The following CUL3 variants were observed in gnomAD, a reference collection of about 807,000 sequenced individuals.
CUL3 encodes the protein cullin-3.
In CUL3, 19 loss-of-function variants were observed where a neutral mutation model predicts 89.1. That is an observed-to-expected ratio of 0.21 (90% confidence interval 0.15 to 0.31). The LOEUF (loss-of-function observed/expected upper bound fraction) is 0.31, where lower values mean the gene tolerates loss of function less well. Among genes scored for constraint, CUL3 ranks in the 10% least tolerant of loss-of-function variants. The pLI is 1.00. For missense variants in CUL3, 469 were observed against 942.3 expected (o/e 0.50, Z 6.58); for synonymous variants, 351 against 308.4 (o/e 1.14, Z -1.45).
intron 1 of CUL3, chr2:224,569,806 CT>C: frequency 9.0e-7 from 1 of 1,111,320 alleles, no homozygotes; most frequent in Non-Finnish European, 1.1e-6. Context: ...GTCTTTAGTC[CT>C]CTGTGAATAA....
At chr2:224,546,627 TA>T (rs1277251840) in intron 2 of CUL3, among the ~76,000 whole-genome samples, 2 of 150,062 alleles carry the variant, frequency 1.3e-5, no homozygotes, top group Admixed American at 6.7e-5. Context: ...ATTCACTTAG[TA>T]ACAGAAGAAT....
chr2:224,583,713 A>AT (rs1695498075), intron 1 of CUL3, among the ~76,000 whole-genome samples: 1 of 152,228 alleles, frequency 6.6e-6, no homozygotes, highest in Non-Finnish European at 1.5e-5. Context: ...CATGAGGTGT[A>AT]TCCTTTTAAA....
intron 13 of CUL3, among the ~76,000 whole-genome samples, chr2:224,486,949 G>C (rs1350522372): frequency 6.6e-6 from 1 of 152,094 alleles, no homozygotes; most frequent in Non-Finnish European, 1.5e-5. Flanking sequence ...AAGAGAGTGG[G>C]GGGGGCCAAT....
intron 6 of CUL3, 72 bp downstream of exon 6, chr2:224,511,282 T>A: frequency 9.0e-7 from 1 of 1,116,694 alleles, no homozygotes; most frequent in Non-Finnish European, 1.3e-6. Context: ...TCTGCTTTAA[T>A]TGTAGGAAAA....
At chr2:224,552,996 T>G (rs557497364) in intron 2 of CUL3, among the ~76,000 whole-genome samples, 3 of 152,370 alleles carry the variant, frequency 2.0e-5, no homozygotes, top group South Asian at 4.1e-4. Context: ...CTGATTTTCA[T>G]GCAAACTATG....
At chr2:224,551,311 T>C (rs1694507465) in intron 2 of CUL3, among the ~76,000 whole-genome samples, 1 of 151,216 alleles carries the variant, frequency 6.6e-6, no homozygotes, top group African/African-American at 2.4e-5. Flanking sequence ...GTTCACACCA[T>C]TCTCCTGCCT....
chr2:224,505,889 A>G, intron 8 of CUL3, 67 bp downstream of exon 8: 1 of 1,070,096 alleles, frequency 9.3e-7, no homozygotes. Flanking sequence ...GAAATGTCCT[A>G]ATTTTACATA....
chr2:224,502,937 C>A, intron 10 of CUL3, 28 bp downstream of exon 10: 2 of 1,497,610 alleles, frequency 1.3e-6, no homozygotes, highest in South Asian at 1.1e-5. Flanking sequence ...ACATGAATAT[C>A]TAAGTAGAAA....
chr2:224,544,473 T>A (rs929300756), intron 2 of CUL3, among the ~76,000 whole-genome samples: 2 of 152,114 alleles, frequency 1.3e-5, no homozygotes, highest in Non-Finnish European at 2.9e-5. Context: ...TTTTAGTTTT[T>A]TACCATTATA....
chr2:224,527,741 A>G (rs2106249045), intron 3 of CUL3, among the ~76,000 whole-genome samples: 1 of 152,138 alleles, frequency 6.6e-6, no homozygotes, highest in South Asian at 2.1e-4. Flanking sequence ...TCTCATTCTC[A>G]CTAGATCTCT....
chr2:224,482,546 C>T (rs1691573033), intron 13 of CUL3, among the ~76,000 whole-genome samples: 1 of 151,784 alleles, frequency 6.6e-6, no homozygotes, highest in Non-Finnish European at 1.5e-5. Flanking sequence ...TCAAAATTTA[C>T]CATCCAGACT....
At chr2:224,548,764 G>A (rs1559208175) in intron 2 of CUL3, among the ~76,000 whole-genome samples, 1 of 152,024 alleles carries the variant, frequency 6.6e-6, no homozygotes, top group Non-Finnish European at 1.5e-5. Context: ...AGCACTTTGG[G>A]AGGCGGATGG....
intron 3 of CUL3, among the ~76,000 whole-genome samples, chr2:224,526,842 T>A (rs1375674059): frequency 2.6e-5 from 4 of 151,088 alleles, no homozygotes; most frequent in African/African-American, 9.7e-5. Context: ...AAGTTTACTG[T>A]TCTATTAATC....
At chr2:224,539,759 AAG>A (rs529810408) in intron 2 of CUL3, among the ~76,000 whole-genome samples, 1 of 152,110 alleles carries the variant, frequency 6.6e-6, no homozygotes, top group African/African-American at 2.4e-5. Flanking sequence ...GGCAAAACTA[AAG>A]AGAGAGCAAA....
At chr2:224,523,921 A>C (rs951414183) in intron 3 of CUL3, among the ~76,000 whole-genome samples, 1 of 152,164 alleles carries the variant, frequency 6.6e-6, no homozygotes, top group Non-Finnish European at 1.5e-5. Flanking sequence ...GGGAAAATGG[A>C]AAGTTACTGT....
intron 2 of CUL3, among the ~76,000 whole-genome samples, chr2:224,556,022 A>C (rs1357333036): frequency 6.6e-6 from 1 of 151,932 alleles, no homozygotes; most frequent in African/African-American, 2.4e-5. Flanking sequence ...CTTAATAAAA[A>C]ACTGCTGATT....
At chr2:224,531,955 G>A (rs1409069885) in intron 3 of CUL3, among the ~76,000 whole-genome samples, 1 of 152,144 alleles carries the variant, frequency 6.6e-6, no homozygotes, top group East Asian at 1.9e-4. Flanking sequence ...GTGGTTTGAT[G>A]TTGAGTAACA....
intron 2 of CUL3, among the ~76,000 whole-genome samples, chr2:224,545,590 A>G (rs757890035): frequency 2.0e-5 from 3 of 152,192 alleles, no homozygotes; most frequent in Non-Finnish European, 2.9e-5. Flanking sequence ...CACTCATTCA[A>G]AAGTATACAA....
intron 3 of CUL3, among the ~76,000 whole-genome samples, chr2:224,531,707 T>C (rs935509259): frequency 6.6e-6 from 1 of 151,278 alleles, no homozygotes; most frequent in Non-Finnish European, 1.5e-5. Flanking sequence ...AAATATAAGG[T>C]AAGACATAAA....
Sources: allele counts gnomAD v4.1 joint callset (sites outside exome capture counted in the v4.1 genomes callset), GRCh38; gene constraint gnomAD v4.1.1; transcripts MANE v1.5; gene names NCBI Gene and HGNC (gene_info 2026-07-23, HGNC 2026-07-21).